SHCBP1L: variants seen among roughly 807,000 people sequenced by gnomAD.
The protein encoded by SHCBP1L is SHC binding and spindle associated 1 like.
Under a neutral mutation model 62.5 loss-of-function variants are expected in SHCBP1L, and 67 were observed. The observed-to-expected ratio is 1.07, with a 90% confidence interval of 0.88 to 1.31. SHCBP1L has a LOEUF of 1.31. Among genes scored for constraint, SHCBP1L ranks in the 40% most tolerant of loss-of-function variants. SHCBP1L has a pLI of 0.00. For missense variants in SHCBP1L, 823 were observed against 809.8 expected (o/e 1.02, Z -0.20); for synonymous variants, 284 against 289.4 (o/e 0.98, Z 0.19).
At chr1:182,951,145 C>T (rs776287575) in intron 2 of SHCBP1L, among the ~76,000 whole-genome samples, 173 bp downstream of exon 2, 17 of 152,114 alleles carry the variant, frequency 1.1e-4, no homozygotes, top group South Asian at 4.1e-4. Context: ...TAATGGTTTA[C>T]AGGCACTAAT....
intron 5 of SHCBP1L, among the ~76,000 whole-genome samples, chr1:182,934,823 A>G (rs1427861456): frequency 1.3e-5 from 2 of 152,152 alleles, no homozygotes; most frequent in Non-Finnish European, 2.9e-5. Context: ...TTTATGGACC[A>G]CTTTGAGTTA....
chr1:182,911,894 T>C (rs1428632037), intron 6 of SHCBP1L, among the ~76,000 whole-genome samples: 2 of 152,210 alleles, frequency 1.3e-5, no homozygotes, highest in African/African-American at 4.8e-5. Context: ...ATATACTTAT[T>C]AGGAAGTGTC....
At chr1:182,931,452 G>A (rs1650993020) in intron 5 of SHCBP1L, among the ~76,000 whole-genome samples, 1 of 152,112 alleles carries the variant, frequency 6.6e-6, no homozygotes, top group Admixed American at 6.6e-5. Flanking sequence ...TTTCACAAAT[G>A]TATATATGTT....
chr1:182,905,429 G>A, intron 7 of SHCBP1L, 67 bp downstream of exon 7: 1 of 1,451,380 alleles, frequency 6.9e-7, no homozygotes, highest in Non-Finnish European at 9.4e-7. Context: ...CATTAAGCAT[G>A]TTTAGAATAC....
chr1:182,915,244 T>G (rs1173353348), intron 6 of SHCBP1L, among the ~76,000 whole-genome samples: 1 of 70,002 alleles, frequency 1.4e-5, no homozygotes, highest in Non-Finnish European at 3.1e-5. Flanking sequence ...AGTGAAAGAA[T>G]AAAAAGATAT....
intron 6 of SHCBP1L, among the ~76,000 whole-genome samples, chr1:182,917,669 A>T (rs1037353685): frequency 3.3e-5 from 5 of 152,166 alleles, no homozygotes; most frequent in Non-Finnish European, 5.9e-5. Context: ...TCACATGGTC[A>T]TCCTTCTGTG....
chr1:182,949,904 C>T (rs1571362556), intron 2 of SHCBP1L, among the ~76,000 whole-genome samples: 2 of 149,550 alleles, frequency 1.3e-5, no homozygotes, highest in Admixed American at 6.7e-5. Flanking sequence ...CAGGCTCAAG[C>T]GATCCTCCCA....
intron 5 of SHCBP1L, among the ~76,000 whole-genome samples, chr1:182,930,120 A>G (rs1023874661): frequency 1.3e-5 from 2 of 152,194 alleles, no homozygotes; most frequent in Admixed American, 1.3e-4. Context: ...TGCCTGTGAC[A>G]GGGAGGCATC....
chr1:182,942,643 A>C (rs1651410784), intron 2 of SHCBP1L, among the ~76,000 whole-genome samples: 2 of 152,264 alleles, frequency 1.3e-5, no homozygotes, highest in South Asian at 4.1e-4. Context: ...AGTGCTTCAG[A>C]ACCAAAGTTG....
chr1:182,931,334 G>A (rs1321513035), intron 5 of SHCBP1L, among the ~76,000 whole-genome samples: 1 of 151,886 alleles, frequency 6.6e-6, no homozygotes, highest in Non-Finnish European at 1.5e-5. Context: ...AGTTTATCAT[G>A]CTATCCTAGT....
intron 9 of SHCBP1L, among the ~76,000 whole-genome samples, chr1:182,901,893 A>G (rs1198692452): frequency 6.6e-6 from 1 of 152,180 alleles, no homozygotes; most frequent in Non-Finnish European, 1.5e-5. Context: ...TGAATCAGAA[A>G]GCAGAGTGGG....
chr1:182,914,237 T>C (rs1433452882), intron 6 of SHCBP1L, among the ~76,000 whole-genome samples: 1 of 151,886 alleles, frequency 6.6e-6, no homozygotes, highest in African/African-American at 2.4e-5. Context: ...GTTAGGCCTA[T>C]CCTAAAAGAA....
At chr1:182,925,552 A>C (rs1164782814) in intron 6 of SHCBP1L, among the ~76,000 whole-genome samples, 1 of 152,184 alleles carries the variant, frequency 6.6e-6, no homozygotes, top group Admixed American at 6.5e-5. Context: ...GAAAAAATAA[A>C]TAATAAAAAA....
chr1:182,929,561 G>C (rs1376870691), intron 6 of SHCBP1L, 86 bp downstream of exon 6: 4 of 739,274 alleles, frequency 5.4e-6, no homozygotes, highest in Admixed American at 3.5e-5. Context: ...TTAATGATTA[G>C]ACAAGGACTC....
intron 6 of SHCBP1L, among the ~76,000 whole-genome samples, chr1:182,912,696 T>A (rs143038889): frequency 3.6e-4 from 55 of 152,014 alleles, no homozygotes; most frequent in African/African-American, 1.3e-3. Flanking sequence ...CAAATTTTTG[T>A]ATTTTTAGTA....
chr1:182,915,838 A>G (rs1310641418), intron 6 of SHCBP1L, among the ~76,000 whole-genome samples: 3 of 143,830 alleles, frequency 2.1e-5, no homozygotes, highest in South Asian at 4.3e-4. Context: ...ACGGAGTCTC[A>G]CTCTGTCGCC....
At chr1:182,952,221 TATATATATATATATACACACAC>T (rs1167424854) in intron 1 of SHCBP1L, among the ~76,000 whole-genome samples, 6 of 63,844 alleles carry the variant, frequency 9.4e-5, no homozygotes, top group Admixed American at 6.8e-4. Context: ...TATATATATA[TATATATATATATATACACACAC>T]ACACACACAC....
chr1:182,935,136 G>A (rs2101947203), intron 5 of SHCBP1L, among the ~76,000 whole-genome samples: 1 of 152,216 alleles, frequency 6.6e-6, no homozygotes, highest in South Asian at 2.1e-4. Context: ...AGTAGTATGA[G>A]TCCTTCTACT....
chr1:182,936,303 T>C (rs1026426950), intron 5 of SHCBP1L, among the ~76,000 whole-genome samples: 7 of 151,972 alleles, frequency 4.6e-5, no homozygotes, highest in Non-Finnish European at 8.8e-5. Context: ...AACTGGCTAA[T>C]TTTTTTATTT....
Sources: allele counts gnomAD v4.1 joint callset (sites outside exome capture counted in the v4.1 genomes callset), GRCh38; gene constraint gnomAD v4.1.1; transcripts MANE v1.5; gene names NCBI Gene and HGNC (gene_info 2026-07-23, HGNC 2026-07-21).